Variants in DRC1 observed in about 807,000 individuals in gnomAD.
DRC1 encodes the protein dynein regulatory complex subunit 1, also known as dynein regulatory complex protein 1.
A neutral mutation model predicts 98.7 loss-of-function variants in DRC1; 74 were observed. That is an observed-to-expected ratio of 0.75 (90% CI 0.62 to 0.91). The LOEUF is 0.91. Among genes scored for constraint, DRC1 ranks in the 40% least tolerant of loss-of-function variants. The pLI is 0.00. For missense variants in DRC1, 875 were observed against 886.0 expected (o/e 0.99, Z 0.16); for synonymous variants, 336 against 334.1 (o/e 1.01, Z -0.06).
intron 1 of DRC1, among the ~76,000 whole-genome samples, chr2:26,405,449 A>G (rs1678385963): frequency 6.6e-6 from 1 of 152,154 alleles, no homozygotes; most frequent in Non-Finnish European, 1.5e-5. Context: ...TAACATAATT[A>G]TACATTTTGA....
intron 16 of DRC1, among the ~76,000 whole-genome samples, chr2:26,456,117 C>T (rs746525832): frequency 1.2e-4 from 19 of 152,214 alleles, no homozygotes; most frequent in Admixed American, 2.6e-4. Context: ...CCCGCTTCCA[C>T]AGATGCTACT....
At chr2:26,435,606 T>C (rs765271172) in intron 7 of DRC1, among the ~76,000 whole-genome samples, 2 of 152,206 alleles carry the variant, frequency 1.3e-5, no homozygotes, top group African/African-American at 4.8e-5. Flanking sequence ...CAGTGTCTAC[T>C]GTTCCCCTCT....
chr2:26,410,995 ACAAT>A (rs747782020), intron 1 of DRC1, among the ~76,000 whole-genome samples: 2 of 152,264 alleles, frequency 1.3e-5, no homozygotes, highest in Non-Finnish European at 2.9e-5. Context: ...ACCCAGGTAG[ACAAT>A]CAACCAAGTT....
At chr2:26,408,292 A>G (rs1183469315) in intron 1 of DRC1, among the ~76,000 whole-genome samples, 16 of 152,270 alleles carry the variant, frequency 1.1e-4, no homozygotes, top group Admixed American at 1.0e-3. Flanking sequence ...TGCTAGACAG[A>G]GGCGAGGCAA....
intron 8 of DRC1, among the ~76,000 whole-genome samples, chr2:26,440,848 A>C (rs78982939): frequency 0.026 from 3,928 of 152,256 alleles, 175 homozygotes; most frequent in African/African-American, 0.088. Context: ...CAGTCTGTAC[A>C]CACTCCTGTA....
chr2:26,455,853 T>C (rs1218419728), intron 16 of DRC1, among the ~76,000 whole-genome samples: 1 of 152,194 alleles, frequency 6.6e-6, no homozygotes, highest in Non-Finnish European at 1.5e-5. Flanking sequence ...AAAAAGTCCA[T>C]TGCTGACATT....
In DRC1 at chr2:26,418,741, T is replaced by TA. The variant is rs1249437463; in HGVS notation, c.244-2546dup. Among the ~76,000 whole-genome samples the TA allele has an allele frequency of 9.6e-4, 99 of 103,190 alleles. 3 individuals are homozygous for TA. Among genetic ancestry groups the TA allele is most frequent in the African/African-American group, 3.6e-3 (96 of 26,494 alleles). 67.7% of individuals were successfully genotyped at this position (103,190 alleles called of 152,430 possible). ...ATATATAAATTATATTTAATTTATA[T>TA]ATAATATAAATTATATTTTTATATA... On this transcript the variant is annotated intron_variant, in intron 2 of 16. Coordinates refer to ENST00000288710, the MANE Select transcript of DRC1 (RefSeq NM_145038.5).
At position 26,424,317 on chromosome 2, in the gene DRC1, G is replaced by T; in HGVS notation, c.403G>T (p.Asp135Tyr). 6.2e-7 allele frequency: 1 copy of T among 1,613,912 alleles called. No individual in the cohort carries two copies. The highest frequency in any genetic ancestry group is 1.1e-5 in the South Asian group (1 of 91,068). The change falls in exon 4 of 17, where the codon GAT becomes TAT. Residue 135 changes from aspartate to tyrosine, a missense_variant. Asp to Tyr is a radical substitution (Grantham distance 160). Transcript: ENST00000288710. ...AGTTAAGACCAGCCAGGACAAATTC[G>T]ATGAAATCACCTCAAAGTGGGAAGA... is the stretch of plus-strand genomic sequence containing the variant. ...NEVKTSQDKF[D>Y]EITSKWEEGK...
rs1678485287 is a variant in DRC1, at chr2:26,408,214, T to TTC, written c.155+6078_155+6079dup. Among the ~76,000 whole-genome samples, 3 of 152,170 alleles carry TTC rather than the reference T, an allele frequency of 2.0e-5. 1 individual carries two copies. The highest frequency in any genetic ancestry group is 7.2e-5 in the African/African-American group (3 of 41,432). On this transcript the variant is annotated intron_variant, in intron 1 of 16. Coordinates refer to ENST00000288710, the MANE Select transcript of DRC1 (RefSeq NM_145038.5). ...ATTAATAGGTAGATGCCTAGAACCT[T>TTC]TCTCTCTCTTTGCACAGAAGATTGG...
At chr2:26,425,076 A>C (rs1401643207) in intron 4 of DRC1, among the ~76,000 whole-genome samples, 1 of 152,138 alleles carries the variant, frequency 6.6e-6, no homozygotes, top group Non-Finnish European at 1.5e-5. Flanking sequence ...TTAGACACCA[A>C]TTCCCTCTTC....
At chr2:26,451,591 A>AAGGTTGAGGCTGCAGTGAGCCATGATG (rs377267773) in intron 13 of DRC1, among the ~76,000 whole-genome samples, 2 of 152,114 alleles carry the variant, frequency 1.3e-5, no homozygotes, top group Non-Finnish European at 2.9e-5. Flanking sequence ...TTTAGCCCAG[A>AAGGTTGAGGCTGCAGTGAGCCATGATG]AGGTTGAGGC....
intron 9 of DRC1, 80 bp downstream of exon 9, chr2:26,444,436 G>A (rs1454003628): frequency 1.4e-5 from 21 of 1,547,818 alleles, no homozygotes; most frequent in South Asian, 2.4e-5. Flanking sequence ...CTGTGATTTC[G>A]TTGGACTTGA....
intron 1 of DRC1, among the ~76,000 whole-genome samples, chr2:26,410,245 A>AT (rs1678560635): frequency 1.4e-5 from 2 of 142,990 alleles, no homozygotes; most frequent in South Asian, 2.2e-4. Context: ...TATAGAGAAA[A>AT]TATTATTATT....
intron 5 of DRC1, among the ~76,000 whole-genome samples, chr2:26,430,042 C>T (rs954104448): frequency 6.6e-6 from 1 of 152,046 alleles, no homozygotes; most frequent in Admixed American, 6.5e-5. Flanking sequence ...TAGGAAGCAG[C>T]TAGACAATAA....
At chr2:26,406,728 A>G (rs1678440169) in intron 1 of DRC1, among the ~76,000 whole-genome samples, 1 of 151,970 alleles carries the variant, frequency 6.6e-6, no homozygotes, top group South Asian at 2.1e-4. Context: ...ACCAAAAAGA[A>G]TAGGAATAAT....
At chr2:26,452,576 G>A (rs1664034866) in intron 13 of DRC1, among the ~76,000 whole-genome samples, 1 of 152,176 alleles carries the variant, frequency 6.6e-6, no homozygotes, top group Admixed American at 6.5e-5. Flanking sequence ...TTGAAATGGT[G>A]TATTTATTGT....
In DRC1 at chr2:26,440,518, G is replaced by A. The variant is rs917895729; in HGVS notation, c.1028+1G>A. On this transcript the variant is annotated splice_donor_variant, in intron 8 of 16. Transcript: ENST00000288710. LOFTEE classifies it high-confidence loss of function. Reference sequence around the variant, plus strand: ...CCCAGCAGAAGAGGAAGATCAATCGGTAAGCTAGCATGCAGAGCGTCTTTC... The same window carrying A: ...CCCAGCAGAAGAGGAAGATCAATCGATAAGCTAGCATGCAGAGCGTCTTTC... 1.2e-6 allele frequency: 2 copies of A among 1,609,124 alleles called. No homozygotes were observed.
chr2:26,406,813 C>CT (rs5830010), intron 1 of DRC1, among the ~76,000 whole-genome samples: 3,703 of 101,538 alleles, frequency 0.036, 363 homozygotes, highest in African/African-American at 0.12. Context: ...TGTCACTTTC[C>CT]TTTTTTTTTT....
At position 26,444,266 on chromosome 2, in the gene DRC1, A is replaced by G; in HGVS notation, c.1073A>G (p.Gln358Arg). The change falls in exon 9 of 17, where the codon CAA (glutamine) becomes CGA (arginine). Residue 358 changes from glutamine (Q) to arginine (R), a missense_variant. Physicochemically the swap from Gln to Arg is conservative, Grantham distance 43. Coordinates refer to ENST00000288710, the MANE Select transcript of DRC1 (RefSeq NM_145038.5). ...LNNLRSKYAK[Q>R]IKQFQEENQS... ...AATCTGAGATCAAAATATGCCAAGC[A>G]AATAAAGCAGTTTCAGGAGGAGAAC... 3 of 1,614,226 alleles carry G rather than the reference A, an allele frequency of 1.9e-6. No individual in the cohort carries two copies. Among genetic ancestry groups the G allele is most frequent in the Non-Finnish European group, 2.5e-6 (3 of 1,180,042 alleles).
Sources: allele counts gnomAD v4.1 joint callset (sites outside exome capture counted in the v4.1 genomes callset), GRCh38; gene constraint gnomAD v4.1.1; transcripts MANE v1.5; gene names NCBI Gene and HGNC (gene_info 2026-07-23, HGNC 2026-07-21).